Variants in NT5C3A observed in about 807,000 individuals in gnomAD.
The protein encoded by NT5C3A is 5'-nucleotidase, cytosolic IIIA.
NT5C3A carries 23 observed loss-of-function variants against 40.0 expected under a neutral mutation model. That is an observed-to-expected ratio of 0.58 (90% CI 0.41 to 0.81). NT5C3A has a LOEUF of 0.81. NT5C3A is among the 40% of genes least tolerant of loss of function. The pLI, the probability that NT5C3A is intolerant of heterozygous loss-of-function variation, is 0.00. For synonymous variants in NT5C3A, 130 were observed against 141.4 expected (o/e 0.92, Z 0.57); for missense variants, 328 against 403.0 (o/e 0.81, Z 1.59).
At chr7:33,014,879 C>T (rs1322381285) in intron 8 of NT5C3A, 48 bp from the exon 9 acceptor site, 1 of 1,479,546 alleles carries the variant, frequency 6.8e-7, no homozygotes, top group Non-Finnish European at 9.4e-7. Context: ...GGCAAAGAAA[C>T]AAATAATTTC....
chr7:33,053,161 G>A (rs540741700), intron 1 of NT5C3A, among the ~76,000 whole-genome samples: 1 of 152,272 alleles, frequency 6.6e-6, no homozygotes, highest in African/African-American at 2.4e-5. Context: ...ATGAGCCTGG[G>A]CAACATAACA....
intron 1 of NT5C3A, among the ~76,000 whole-genome samples, chr7:33,056,569 G>A (rs1426847276): frequency 6.6e-6 from 1 of 150,622 alleles, no homozygotes; most frequent in Non-Finnish European, 1.5e-5. Context: ...CTACTTGGGA[G>A]GCTGAAGTGG....
At chr7:33,056,862 C>T (rs188598252) in intron 1 of NT5C3A, among the ~76,000 whole-genome samples, 2 of 152,134 alleles carry the variant, frequency 1.3e-5, no homozygotes, top group East Asian at 1.9e-4. Context: ...CCCTGGCTGG[C>T]GTGCAATGGT....
intron 1 of NT5C3A, among the ~76,000 whole-genome samples, chr7:33,043,293 A>G (rs1787008005): frequency 2.6e-5 from 4 of 152,238 alleles, no homozygotes; most frequent in Admixed American, 2.6e-4. Flanking sequence ...TCTTTATACA[A>G]GTATAGGAAA....
chr7:33,023,981 G>A, intron 3 of NT5C3A, 58 bp downstream of exon 3: 1 of 998,966 alleles, frequency 1.0e-6, no homozygotes, highest in East Asian at 2.4e-5. Flanking sequence ...AATATAAAGA[G>A]GATCTTAAAA....
chr7:33,019,753 C>A, intron 5 of NT5C3A, 29 bp from the exon 6 acceptor site: 1 of 1,195,100 alleles, frequency 8.4e-7, no homozygotes, highest in Non-Finnish European at 1.2e-6. Context: ...GGAAAAAAGA[C>A]TATCAATTAA....
chr7:33,036,247 A>T, intron 1 of NT5C3A: 1 of 465,116 alleles, frequency 2.2e-6, no homozygotes, highest in Non-Finnish European at 3.9e-6. Flanking sequence ...TCCTTTGCAT[A>T]CTGATGGAAA....
intron 1 of NT5C3A, among the ~76,000 whole-genome samples, chr7:33,059,829 C>T (rs917254050): frequency 6.6e-6 from 1 of 152,170 alleles, no homozygotes; most frequent in African/African-American, 2.4e-5. Flanking sequence ...GTTGCTAGTG[C>T]CATAGTTTAA....
chr7:33,024,253 T>C, intron 2 of NT5C3A, 145 bp from the exon 3 acceptor site: 1 of 660,750 alleles, frequency 1.5e-6, no homozygotes, highest in Middle Eastern at 2.7e-4. Flanking sequence ...ACTTATTCTC[T>C]TTACATTGAA....
At chr7:33,044,624 T>C (rs966848746) in intron 1 of NT5C3A, among the ~76,000 whole-genome samples, 1 of 152,182 alleles carries the variant, frequency 6.6e-6, no homozygotes, top group Non-Finnish European at 1.5e-5. Flanking sequence ...AATTCACAAA[T>C]GGAAGATTTT....
At chr7:33,042,651 A>G (rs1424554999) in intron 1 of NT5C3A, among the ~76,000 whole-genome samples, 1 of 152,256 alleles carries the variant, frequency 6.6e-6, no homozygotes, top group Non-Finnish European at 1.5e-5. Context: ...ATCACTTTCA[A>G]CAACCAAGAA....
chr7:33,035,370 T>C (rs942691816), intron 1 of NT5C3A, among the ~76,000 whole-genome samples: 4 of 151,920 alleles, frequency 2.6e-5, no homozygotes, highest in Non-Finnish European at 5.9e-5. Flanking sequence ...ATTTTTTGTA[T>C]TTTTAGTAGA....
Position 33,019,739 on chromosome 7 carries a change from CA to C in NT5C3A, c.441-16del. On this transcript the variant is annotated splice_polypyrimidine_tract_variant and intron_variant, in intron 5 of 8. Transcript: ENST00000610140. ...ATTTAGTATACCTGGAGTTTATGAC[CA>C]AAGGAAAAAAGACTATCAATTAAGA... 2 of 1,439,876 alleles carry C rather than the reference CA, an allele frequency of 1.4e-6. No individual in the cohort carries two copies. The highest frequency in any genetic ancestry group is 9.7e-7 in the Non-Finnish European group (1 of 1,026,210). 89.2% of individuals were successfully genotyped at this position (1,439,876 alleles called of 1,614,324 possible). A position where few individuals can be genotyped will look rare whatever the true frequency, so the allele number is the denominator to read the frequency against.
At chr7:33,026,353 G>GGAA (rs1301185554) in intron 2 of NT5C3A, among the ~76,000 whole-genome samples, 1 of 94,156 alleles carries the variant, frequency 1.1e-5, no homozygotes, top group African/African-American at 4.1e-5. Flanking sequence ...CATCTCAAAA[G>GGAA]AAAAAAAAAA....
chr7:33,023,551 A>G (rs1218797449), intron 3 of NT5C3A, among the ~76,000 whole-genome samples: 1 of 152,058 alleles, frequency 6.6e-6, no homozygotes, highest in Non-Finnish European at 1.5e-5. Flanking sequence ...GAGTGACCGC[A>G]CCCAGCCCCA....
intron 3 of NT5C3A, among the ~76,000 whole-genome samples, chr7:33,022,483 T>C (rs1025606561): frequency 3.3e-5 from 5 of 152,190 alleles, no homozygotes; most frequent in African/African-American, 1.2e-4. Flanking sequence ...AATAAATGCT[T>C]AACGTAAACA....
chr7:33,061,903 A>C (rs1035772638), intron 1 of NT5C3A, among the ~76,000 whole-genome samples: 1 of 152,234 alleles, frequency 6.6e-6, no homozygotes, highest in Admixed American at 6.5e-5. Context: ...TTCTTGAGAC[A>C]CCCTCTTCAA....
chr7:33,047,372 A>T (rs1307452324), intron 1 of NT5C3A, among the ~76,000 whole-genome samples: 1 of 152,192 alleles, frequency 6.6e-6, no homozygotes, highest in Non-Finnish European at 1.5e-5. Context: ...ACATTAAGTA[A>T]ATACTAAGGC....
chr7:33,062,566 A>T lies in NT5C3A; in HGVS notation c.138+2T>A. The T allele has an allele frequency of 6.2e-7, 1 of 1,609,752 alleles. No homozygotes were observed. The highest frequency in any genetic ancestry group is 8.5e-7 in the Non-Finnish European group (1 of 1,178,682). ...CTGGGCGCGCCGAGCCTCCACACTC[A>T]CCATCTCGATGATCTTGGTCTTCCG... On this transcript the variant is annotated splice_donor_variant, in intron 1 of 8. Coordinates refer to ENST00000610140, the MANE Select transcript of NT5C3A (RefSeq NM_001002010.5). LOFTEE classifies it high-confidence loss of function.
Sources: allele counts gnomAD v4.1 joint callset (sites outside exome capture counted in the v4.1 genomes callset), GRCh38; gene constraint gnomAD v4.1.1; transcripts MANE v1.5; gene names NCBI Gene and HGNC (gene_info 2026-07-23, HGNC 2026-07-21).